ABCA10: variants seen among roughly 807,000 people sequenced by gnomAD.
ABCA10 encodes the protein ATP-binding cassette sub-family A member 10.
A neutral mutation model predicts 187.5 loss-of-function variants in ABCA10; 169 were observed. That is an observed-to-expected ratio of 0.90 (90% CI 0.80 to 1.02). The LOEUF is 1.02. Ranked by LOEUF, ABCA10 falls within the 50% of genes least tolerant of loss-of-function variation. The pLI is 0.00. For synonymous variants in ABCA10, 574 were observed against 601.8 expected, an observed-to-expected ratio of 0.95 and a Z score of 0.68; for missense variants, 1,727 against 1,812.4, an observed-to-expected ratio of 0.95 and a Z score of 0.86.
In ABCA10 at chr17:69,155,870, C is replaced by T. The variant is rs140554607; in HGVS notation, c.3511G>A (p.Asp1171Asn). ...HPNPEEPEEE[D>N]EDVQAERVQA... is the part of the protein sequence containing the mutation. ...ACTCTTTCAGCTTGAACATCTTCATCTTCTTCTTCGGGCTCTTCCGGATTG... is the reference window on the plus strand; with the variant it reads ...ACTCTTTCAGCTTGAACATCTTCATTTTCTTCTTCGGGCTCTTCCGGATTG... The change falls in exon 29 of 39, where the codon GAT becomes AAT. Residue 1171 changes from aspartate (D) to asparagine (N), a missense_variant. Transcript: ENST00000690296. 4 of 1,613,678 alleles carry T rather than the reference C, an allele frequency of 2.5e-6. No individual in the cohort carries two copies. The highest frequency in any genetic ancestry group is 3.4e-6 in the Non-Finnish European group (4 of 1,179,708).
chr17:69,200,863 C>T (rs867772934), intron 10 of ABCA10, among the ~76,000 whole-genome samples: 2 of 152,206 alleles, frequency 1.3e-5, no homozygotes, highest in African/African-American at 4.8e-5. Flanking sequence ...CAGGCATGCA[C>T]CACCATGCCT....
At chr17:69,151,759 GTTTAA>G (rs745505899) in intron 36 of ABCA10, among the ~76,000 whole-genome samples, 88 of 152,284 alleles carry the variant, frequency 5.8e-4, no homozygotes, top group African/African-American at 7.7e-4. Context: ...AAAGTTGATA[GTTTAA>G]TTTGTCTGTA....
At chr17:69,151,442 ATAT>A (rs2074127622) in intron 36 of ABCA10, among the ~76,000 whole-genome samples, 1 of 151,692 alleles carries the variant, frequency 6.6e-6, no homozygotes, top group Non-Finnish European at 1.5e-5. Flanking sequence ...AATATAACAA[ATAT>A]TATAAAAATA....
chr17:69,158,002 A>G (rs1391192714), intron 27 of ABCA10, among the ~76,000 whole-genome samples: 1 of 152,012 alleles, frequency 6.6e-6, no homozygotes, highest in African/African-American at 2.4e-5. Context: ...TTCTTAACAG[A>G]GGCTCACAGG....
intron 28 of ABCA10, among the ~76,000 whole-genome samples, 159 bp from the exon 29 acceptor site, chr17:69,156,084 G>A (rs1412944638): frequency 1.3e-5 from 2 of 152,006 alleles, no homozygotes; most frequent in Admixed American, 6.6e-5. Context: ...TAACACCTCC[G>A]GTAGCCAAGT....
chr17:69,201,441 A>G (rs903884218), intron 10 of ABCA10, 59 bp downstream of exon 10: 2 of 1,352,704 alleles, frequency 1.5e-6, no homozygotes, highest in Non-Finnish European at 2.0e-6. Flanking sequence ...TTTGACCTGC[A>G]GCTTCATTTA....
chr17:69,154,419 A>ATT, intron 30 of ABCA10, 93 bp from the exon 31 acceptor site: 10 of 661,504 alleles, frequency 1.5e-5, no homozygotes, highest in South Asian at 1.1e-4. Flanking sequence ...AAACAAAATG[A>ATT]CTTTTTTTTT....
intron 6 of ABCA10, among the ~76,000 whole-genome samples, chr17:69,217,684 G>A (rs1346414033): frequency 6.6e-6 from 1 of 152,180 alleles, no homozygotes; most frequent in African/African-American, 2.4e-5. Flanking sequence ...TGCCTGATCA[G>A]ATAGAAAGTA....
intron 19 of ABCA10, 136 bp downstream of exon 19, chr17:69,187,545 T>A: frequency 2.1e-6 from 2 of 949,780 alleles, no homozygotes; most frequent in Non-Finnish European, 3.0e-6. Flanking sequence ...CAGGCCCTTT[T>A]CCTCAGTAAC....
chr17:69,239,432 G>A (rs1484579715), intron 1 of ABCA10, among the ~76,000 whole-genome samples: 2 of 152,122 alleles, frequency 1.3e-5, no homozygotes, highest in South Asian at 4.2e-4. Flanking sequence ...CAGATCAGGG[G>A]CCTGTTATCA....
intron 25 of ABCA10, among the ~76,000 whole-genome samples, chr17:69,169,894 A>G (rs961891902): frequency 2.6e-5 from 4 of 152,206 alleles, no homozygotes; most frequent in Admixed American, 2.6e-4. Flanking sequence ...ATACTTCAGA[A>G]TCTCCTCAAA....
chr17:69,169,948 T>G (rs2074284332), intron 25 of ABCA10, among the ~76,000 whole-genome samples: 1 of 152,176 alleles, frequency 6.6e-6, no homozygotes, highest in Non-Finnish European at 1.5e-5. Context: ...GGTATTGCTC[T>G]AACAAAATAT....
intron 6 of ABCA10, among the ~76,000 whole-genome samples, chr17:69,218,426 C>T (rs1022115762): frequency 1.3e-5 from 2 of 151,854 alleles, no homozygotes; most frequent in Non-Finnish European, 1.5e-5. Context: ...ATTTTTCTTA[C>T]CTGTAAAATG....
intron 31 of ABCA10, 62 bp downstream of exon 31, chr17:69,154,173 A>G (rs369400674): frequency 1.4e-6 from 2 of 1,468,322 alleles, no homozygotes; most frequent in South Asian, 1.3e-5. Flanking sequence ...TGATTTACTG[A>G]TAGGAATAAT....
At position 69,193,276 on chromosome 17, in the gene ABCA10, T is replaced by A. The variant is rs776023400; in HGVS notation, c.1642-28A>T. On this transcript the variant is annotated intron_variant, in intron 14 of 38. Coordinates refer to ENST00000690296, the MANE Select transcript of ABCA10 (RefSeq NM_001377321.1). The stretch of plus-strand genomic sequence containing the variant: ...ACAGAGGAGGAAACGTATGAAAGCA[T>A]CTTCCTCTTCACAGTGAGGATCTTC... 6 of 1,604,422 alleles carry A rather than the reference T, an allele frequency of 3.7e-6. No individual in the cohort carries two copies. In the African/African-American group the frequency reaches 8.1e-5, roughly 22 times the overall value.
rs1190541215 is a variant in ABCA10 at position 69,148,327 on chromosome 17, C to A, written c.*500G>T. ...TAACTTCAATATGTACTAAAATTCA[C>A]ATGCATTTATTTTATAATCAGAATG... On this transcript the variant is annotated 3_prime_UTR_variant, in exon 39 of 39. Transcript: ENST00000690296. 1 of 152,842 alleles carries A rather than the reference C, an allele frequency of 6.5e-6. No individual in the cohort carries two copies. The highest frequency in any genetic ancestry group is 1.5e-5 in the Non-Finnish European group (1 of 68,580). The allele number at this position is 152,842 out of a possible 1,614,324, so 9.5% of individuals were successfully genotyped here.
At chr17:69,236,877 G>A (rs1446742734) in intron 1 of ABCA10, among the ~76,000 whole-genome samples, 4 of 152,086 alleles carry the variant, frequency 2.6e-5, no homozygotes, top group Non-Finnish European at 4.4e-5. Context: ...CTCTCACAAC[G>A]AAAAATTATC....
intron 2 of ABCA10, among the ~76,000 whole-genome samples, chr17:69,226,034 T>TA (rs1412195078): frequency 6.6e-6 from 1 of 152,070 alleles, no homozygotes; most frequent in Admixed American, 6.6e-5. Context: ...AAATCAACCT[T>TA]AAAAGACATT....
At chr17:69,193,314 G>A (rs2074475179) in intron 14 of ABCA10, 66 bp from the exon 15 acceptor site, 6 of 1,575,736 alleles carry the variant, frequency 3.8e-6, no homozygotes, top group Non-Finnish European at 4.3e-6. Flanking sequence ...AAAGCACCAT[G>A]AAAACAAGTA....
Sources: allele counts gnomAD v4.1 joint callset (sites outside exome capture counted in the v4.1 genomes callset), GRCh38; gene constraint gnomAD v4.1.1; transcripts MANE v1.5; gene names NCBI Gene and HGNC (gene_info 2026-07-23, HGNC 2026-07-21).